Variants in GRIN2B observed in about 807,000 individuals in gnomAD.
GRIN2B encodes glutamate receptor ionotropic, NMDA 2B.
GRIN2B carries 5 observed loss-of-function variants against 114.5 expected under a neutral mutation model. The observed-to-expected ratio is 0.04, with a 90% CI of 0.02 to 0.09. The LOEUF (loss-of-function observed/expected upper bound fraction) is 0.09. Ranked by LOEUF, GRIN2B falls within the 10% of genes least tolerant of loss-of-function variation. The pLI is 1.00. For synonymous variants in GRIN2B, 787 were observed against 745.1 expected (o/e 1.06, Z -0.92); for missense variants, 1,108 against 1,943.5 (o/e 0.57, Z 8.08).
intron 3 of GRIN2B, among the ~76,000 whole-genome samples, chr12:13,789,566 T>C (rs1282655027): frequency 6.6e-6 from 1 of 152,174 alleles, no homozygotes; most frequent in African/African-American, 2.4e-5. Flanking sequence ...TCTGAATATT[T>C]GGAGAAATTA....
chr12:13,965,214 T>G (rs918852837), intron 2 of GRIN2B, among the ~76,000 whole-genome samples: 2 of 152,188 alleles, frequency 1.3e-5, no homozygotes, highest in African/African-American at 4.8e-5. Flanking sequence ...CTTTAAAAAG[T>G]CATTTTGAGG....
At position 13,954,811 on chromosome 12, in the gene GRIN2B, G is replaced by GAAAAA. The variant is rs61525874; in HGVS notation, c.-19+25112_-19+25116dup. Among the ~76,000 whole-genome samples the GAAAAA allele has an allele frequency of 3.1e-3, 78 of 25,548 alleles. 12 individuals are homozygous for GAAAAA. The highest frequency in any genetic ancestry group is 9.4e-3 in the East Asian group (17 of 1,812). 16.8% of individuals were successfully genotyped at this position (25,548 alleles called of 152,430 possible). On this transcript the variant is annotated intron_variant, in intron 2 of 13. Coordinates refer to ENST00000609686, the MANE Select transcript of GRIN2B (RefSeq NM_000834.5). ...GTGACAGAGTGAGACTCCGTCTCAG[G>GAAAAA]AAAAAAAAAAAAAAAAAACTTTTTC... is the stretch of plus-strand genomic sequence containing the variant.
At chr12:13,886,384 G>A (rs990035159) in intron 2 of GRIN2B, among the ~76,000 whole-genome samples, 5 of 152,184 alleles carry the variant, frequency 3.3e-5, no homozygotes, top group Non-Finnish European at 5.9e-5. Flanking sequence ...AGGGCTGGGT[G>A]CTTGACCAAG....
rs1329929025 is a variant in GRIN2B, at chr12:13,753,340, G to C, written c.987C>G (p.Ile329Met). The C allele has an allele frequency of 6.2e-7, 1 of 1,600,064 alleles. No individual in the cohort carries two copies. The highest frequency in any genetic ancestry group is 8.6e-7 in the Non-Finnish European group (1 of 1,167,304). The change falls in exon 4 of 14, where the codon ATC (isoleucine) becomes ATG (methionine). Residue 329 changes from isoleucine (I) to methionine (M), a missense_variant. Coordinates refer to ENST00000609686, the MANE Select transcript of GRIN2B (RefSeq NM_000834.5). The surrounding 1 kb of genome is among the most constrained non-coding windows in gnomAD (Gnocchi z 6.2). The part of the protein sequence containing the change: ...SSCYNTHEKR[I>M]YQSNMLNRYL... ...ACCTATTTAGCATATTGGACTGGTA[G>C]ATTCTCTTCTCGTGGGTGTTGTAAC...
chr12:13,699,042 T>C (rs929363785), intron 4 of GRIN2B, among the ~76,000 whole-genome samples: 2 of 152,122 alleles, frequency 1.3e-5, no homozygotes, highest in Non-Finnish European at 1.5e-5. Context: ...CATTGAAACA[T>C]TGTCTAAAAA....
At position 13,563,292 on chromosome 12, in the gene GRIN2B, C is replaced by T. The variant is rs199803550; in HGVS notation, c.3946G>A (p.Ala1316Thr). Reference protein sequence around the residue: ...TFVDLQKEEAALAPRSVSLKD... With the variant: ...TFVDLQKEEATLAPRSVSLKD... The stretch of plus-strand genomic sequence containing the variant: ...AGGCTTACGCTGCGCGGGGCCAGGG[C>T]GGCTTCTTCCTTCTGCAGGTCCACG... Residue 1316 changes from alanine (A) to threonine (T), a missense_variant, in exon 14 of 14, where the codon GCC becomes ACC. Around this residue, in one of 19 missense-constraint regions of GRIN2B, gnomAD observed 478 missense variants for 506.0 expected, o/e 0.94. Transcript: ENST00000609686. 8.1e-6 allele frequency: 13 copies of T among 1,614,184 alleles called. No homozygotes were observed. Among genetic ancestry groups the T allele is most frequent in the South Asian group, 5.5e-5 (5 of 91,078 alleles).
intron 4 of GRIN2B, among the ~76,000 whole-genome samples, chr12:13,708,370 G>T (rs1950381265): frequency 6.6e-6 from 1 of 151,978 alleles, no homozygotes; most frequent in East Asian, 1.9e-4. Flanking sequence ...CACCAGTGAG[G>T]CCACTCTAAC....
intron 5 of GRIN2B, among the ~76,000 whole-genome samples, chr12:13,645,166 A>G (rs1949750762): frequency 6.6e-6 from 1 of 152,110 alleles, no homozygotes; most frequent in African/African-American, 2.4e-5. Context: ...ATTTTAAATG[A>G]TAGATGTGCA....
At chr12:13,607,277 TATA>T (rs1949273316) in intron 10 of GRIN2B, among the ~76,000 whole-genome samples, 1 of 16,748 alleles carries the variant, frequency 6.0e-5, no homozygotes, top group African/African-American at 1.8e-4. Context: ...ATATAAAATA[TATA>T]ATATATATTA....
chr12:13,713,475 A>T (rs925133342), intron 4 of GRIN2B, among the ~76,000 whole-genome samples: 21 of 151,920 alleles, frequency 1.4e-4, no homozygotes, highest in African/African-American at 5.1e-4. Context: ...GAATCTAATT[A>T]TTCTGAAAAT....
At chr12:13,928,451 T>C (rs1591626621) in intron 2 of GRIN2B, among the ~76,000 whole-genome samples, 1 of 152,216 alleles carries the variant, frequency 6.6e-6, no homozygotes, top group East Asian at 1.9e-4. Flanking sequence ...TTAAAGGAGA[T>C]AATATGGTTA....
At chr12:13,849,114 T>C (rs1865516008) in intron 3 of GRIN2B, among the ~76,000 whole-genome samples, 1 of 152,150 alleles carries the variant, frequency 6.6e-6, no homozygotes, top group Admixed American at 6.5e-5. Context: ...GGCATTCACG[T>C]CTGTATCAGC....
chr12:13,949,039 G>T (rs990185137), intron 2 of GRIN2B, among the ~76,000 whole-genome samples: 2 of 152,118 alleles, frequency 1.3e-5, no homozygotes, highest in African/African-American at 4.8e-5. Flanking sequence ...TCCTCAGCAG[G>T]GGCAGGCTAT....
intron 2 of GRIN2B, among the ~76,000 whole-genome samples, chr12:13,918,315 G>A (rs1327253024): frequency 1.3e-5 from 2 of 152,170 alleles, no homozygotes; most frequent in Non-Finnish European, 2.9e-5. Flanking sequence ...TGAGGCAGGA[G>A]GATAACTTGG....
Position 13,916,618 on chromosome 12 carries a change from A to G in GRIN2B, c.-18-50392T>C, listed in dbSNP as rs540985036. 2.0e-5 allele frequency among the ~76,000 whole-genome samples: 3 copies of G among 152,028 alleles called. No homozygotes were observed. The East Asian group carries it at 5.9e-4, about 30-fold the overall frequency. Reference sequence around the variant, plus strand: ...AATTCCAGCTCTTTGGGAAGCCAAGATAGGAGGATCTCTTGAAGCCAGGAT... The same window carrying G: ...AATTCCAGCTCTTTGGGAAGCCAAGGTAGGAGGATCTCTTGAAGCCAGGAT... On this transcript the variant is annotated intron_variant, in intron 2 of 13. Transcript: ENST00000609686.
intron 4 of GRIN2B, among the ~76,000 whole-genome samples, chr12:13,728,575 G>A (rs144424527): frequency 6.6e-6 from 1 of 152,204 alleles, no homozygotes; most frequent in East Asian, 1.9e-4. Context: ...GGAGAAAAAG[G>A]CCAAAGAGGG....
intron 2 of GRIN2B, among the ~76,000 whole-genome samples, chr12:13,932,192 A>C (rs963902348): frequency 1.3e-5 from 2 of 151,970 alleles, no homozygotes; most frequent in Non-Finnish European, 2.9e-5. Flanking sequence ...AAACATACCA[A>C]ACTCGCTCAT....
intron 2 of GRIN2B, among the ~76,000 whole-genome samples, chr12:13,962,304 T>C (rs1210589505): frequency 6.6e-6 from 1 of 152,102 alleles, no homozygotes; most frequent in Non-Finnish European, 1.5e-5. Context: ...CTGATTCCAG[T>C]ACCAAAGTGA....
chr12:13,567,626 T>A (rs1381446227), intron 12 of GRIN2B, among the ~76,000 whole-genome samples: 1 of 152,130 alleles, frequency 6.6e-6, no homozygotes, highest in African/African-American at 2.4e-5. Context: ...ACAGTAATTC[T>A]GTGGATGGCA....
Sources: gnomAD v4.1 joint callset for allele counts (sites outside exome capture counted in the v4.1 genomes callset) on GRCh38, gnomAD v4.1.1 for gene constraint, gnomAD v4.1.1 regional missense constraint, Gnocchi (gnomAD v3.1) non-coding constraint, MANE v1.5 for transcripts, NCBI Gene and HGNC (gene_info 2026-07-23, HGNC 2026-07-21) for gene names.